Variants in EPB42 observed in about 807,000 individuals in gnomAD.
The protein encoded by EPB42 is protein 4.2.
Under a neutral mutation model 76.9 loss-of-function variants are expected in EPB42, and 49 were observed. The ratio of observed to expected loss-of-function variants is 0.64; its 90% CI spans 0.51 to 0.81. EPB42 has a LOEUF of 0.81. Ranked by LOEUF, EPB42 falls within the 30% of genes least tolerant of loss-of-function variation. The pLI is 0.00. For synonymous variants in EPB42, 310 were observed against 338.4 expected, an observed-to-expected ratio of 0.92 and a Z score of 0.92; for missense variants, 731 against 867.6, an observed-to-expected ratio of 0.84 and a Z score of 1.98.
chr15:43,203,694 A>G (rs2042160459), intron 10 of EPB42, among the ~76,000 whole-genome samples: 1 of 152,056 alleles, frequency 6.6e-6, no homozygotes, highest in South Asian at 2.1e-4. Context: ...GGGATGAGGT[A>G]TCCCCCCTGC....
Position 43,211,453 on chromosome 15 carries a change from G to C in EPB42, c.512C>G (p.Ala171Gly). The C allele has an allele frequency of 6.2e-7, 1 of 1,613,794 alleles. No individual in the cohort carries two copies. The highest frequency in any genetic ancestry group is 8.5e-7 in the Non-Finnish European group (1 of 1,179,650). ...NQNGLIYLGT[A>G]DCIQAESWDF... ...CCAGGACTCTGCCTGGATGCAGTCA[G>C]CTGTACCCAGGTAGATGAGACCATT... The change falls in exon 4 of 13, where the codon GCT becomes GGT. Residue 171 changes from alanine (A) to glycine (G), a missense_variant. By Grantham distance (60) the Ala-to-Gly change is moderately conservative. Coordinates refer to ENST00000441366, the MANE Select transcript of EPB42 (RefSeq NM_001114134.2).
At chr15:43,197,957 T>C (rs998380873) in intron 12 of EPB42, among the ~76,000 whole-genome samples, 1 of 152,192 alleles carries the variant, frequency 6.6e-6, no homozygotes, top group African/African-American at 2.4e-5. Flanking sequence ...GTTTCTGCTT[T>C]TGCTTCTTCC....
rs772782987 is a variant in EPB42, at chr15:43,201,846, G to A, written c.1911C>T (p.Tyr637=). Residue 637 remains tyrosine, a splice_region_variant and synonymous_variant, in exon 12 of 13, where the codon TAC becomes TAT. Coordinates refer to ENST00000441366, the MANE Select transcript of EPB42 (RefSeq NM_001114134.2). ...ATGAGAAGCCTGCCATCACTTACCT[G>A]TAGCTCCTCTCTCTGTGAATGAGCC... ...GRGLIHRERS[Y]RFRSVWPENT... The A allele has an allele frequency of 8.1e-6, 13 of 1,614,210 alleles. No individual in the cohort carries two copies. The highest frequency in any genetic ancestry group is 1.0e-5 in the Non-Finnish European group (12 of 1,180,024).
At position 43,206,270 on chromosome 15, in the gene EPB42, A is replaced by AG; in HGVS notation, c.1618+59dup. The AG allele has an allele frequency of 6.5e-7, 1 of 1,527,336 alleles. No homozygotes were observed. Among genetic ancestry groups the AG allele is most frequent in the South Asian group, 1.3e-5 (1 of 79,110 alleles). 94.6% of individuals were successfully genotyped at this position (1,527,336 alleles called of 1,614,324 possible). ...GTGCCCTGTGGCTGCTGCCTGCCCA[A>AG]GGCAGGGGCCATGTGTGTGTGTGTG... On this transcript the variant is annotated intron_variant, in intron 10 of 12. Coordinates refer to ENST00000441366, the MANE Select transcript of EPB42 (RefSeq NM_001114134.2). This position sits in a 1 kb window ranked among gnomAD's most constrained non-coding sequence, Gnocchi z 4.7.
chr15:43,200,583 A>C (rs2042110411), intron 12 of EPB42, among the ~76,000 whole-genome samples: 1 of 152,210 alleles, frequency 6.6e-6, no homozygotes, highest in East Asian at 1.9e-4. Context: ...GAAGAGTTGC[A>C]ATTAAAATAA....
At chr15:43,205,378 T>C (rs2042187530) in intron 10 of EPB42, among the ~76,000 whole-genome samples, 1 of 152,240 alleles carries the variant, frequency 6.6e-6, no homozygotes. Flanking sequence ...TTAAAAATTC[T>C]GATGTGTTCC....
chr15:43,222,526 C>A (rs896504930), upstream of EPB42, among the ~76,000 whole-genome samples: 1 of 152,146 alleles, frequency 6.6e-6, no homozygotes, highest in African/African-American at 2.4e-5. Context: ...CATTTCTTCC[C>A]AAGTTGATCT....
chr15:43,204,415 A>T (rs2042170429), intron 10 of EPB42, among the ~76,000 whole-genome samples: 1 of 151,032 alleles, frequency 6.6e-6, no homozygotes, highest in Non-Finnish European at 1.5e-5. Flanking sequence ...CTATGCCCTG[A>T]CTCTTTGTTG....
At chr15:43,208,193 A>C (rs772882249) in intron 8 of EPB42, 37 bp downstream of exon 8, 7 of 1,586,774 alleles carry the variant, frequency 4.4e-6, no homozygotes, top group Non-Finnish European at 6.0e-6. Flanking sequence ...AGCTCTGTGC[A>C]GCCCTGCGTG....
intron 11 of EPB42, among the ~76,000 whole-genome samples, chr15:43,202,769 C>T (rs148114009): frequency 6.6e-6 from 1 of 152,214 alleles, no homozygotes; most frequent in Non-Finnish European, 1.5e-5. Flanking sequence ...ATAATGGGAA[C>T]AGTTCTACCT....
chr15:43,209,881 T>G (rs540860262), intron 5 of EPB42, among the ~76,000 whole-genome samples: 3 of 152,300 alleles, frequency 2.0e-5, no homozygotes, highest in African/African-American at 7.2e-5. Flanking sequence ...GAGGGAATGG[T>G]GAACACATGA....
intron 12 of EPB42, among the ~76,000 whole-genome samples, chr15:43,201,407 A>G (rs930844248): frequency 1.3e-5 from 2 of 152,236 alleles, no homozygotes; most frequent in Non-Finnish European, 2.9e-5. Flanking sequence ...ATAAAAGGAT[A>G]TGAAGGATGG....
At chr15:43,203,076 T>C in intron 11 of EPB42, 39 bp downstream of exon 11, 2 of 1,613,112 alleles carry the variant, frequency 1.2e-6, no homozygotes, top group African/African-American at 2.7e-5. Flanking sequence ...ACCTGAGTGG[T>C]GGCAGACGAG....
chr15:43,212,375 AAAAAAAAAAAAGAAAAAAG>A (rs1420046300), intron 3 of EPB42, among the ~76,000 whole-genome samples: 1 of 149,950 alleles, frequency 6.7e-6, no homozygotes, highest in Admixed American at 6.6e-5. Context: ...GTCTCAAAAA[AAAAAAAAAAAAGAAAAAAG>A]AAAAAAAAAA....
intron 12 of EPB42, among the ~76,000 whole-genome samples, chr15:43,200,847 C>G (rs184521400): frequency 2.7e-5 from 4 of 149,902 alleles, no homozygotes; most frequent in African/African-American, 9.8e-5. Flanking sequence ...TGGAGTCTCG[C>G]TCTTTCACCC....
upstream of EPB42, among the ~76,000 whole-genome samples, chr15:43,224,009 T>C (rs531753049): frequency 1.3e-5 from 2 of 152,180 alleles, no homozygotes; most frequent in African/African-American, 2.4e-5. Context: ...TAATAAATAA[T>C]TGGTGCAGCC....
intron 8 of EPB42, among the ~76,000 whole-genome samples, chr15:43,207,724 C>G (rs976026772): frequency 6.6e-6 from 1 of 152,210 alleles, no homozygotes. Context: ...GAGGAGCTCT[C>G]AAGCCAGCTT....
chr15:43,212,720 C>G (rs2042319880), intron 3 of EPB42, among the ~76,000 whole-genome samples: 1 of 152,140 alleles, frequency 6.6e-6, no homozygotes, highest in Non-Finnish European at 1.5e-5. Flanking sequence ...GCCCCTCCTG[C>G]TTTCCTCATC....
upstream of EPB42, among the ~76,000 whole-genome samples, chr15:43,222,975 G>A (rs1273792808): frequency 6.6e-6 from 1 of 152,138 alleles, no homozygotes; most frequent in Non-Finnish European, 1.5e-5. Context: ...AGAAAATACT[G>A]AGAAATTTGA....
Sources: gnomAD v4.1 joint callset for allele counts (sites outside exome capture counted in the v4.1 genomes callset) on GRCh38, gnomAD v4.1.1 for gene constraint, Gnocchi (gnomAD v3.1) non-coding constraint, MANE v1.5 for transcripts, NCBI Gene and HGNC (gene_info 2026-07-23, HGNC 2026-07-21) for gene names.